Variants in GMDS observed in about 807,000 individuals in gnomAD.
GMDS encodes GDP-mannose 4,6-dehydratase.
In GMDS, 20 loss-of-function variants were observed where a neutral mutation model predicts 49.9. The ratio of observed to expected loss-of-function variants is 0.40; its 90% CI spans 0.28 to 0.58. The LOEUF is 0.58. GMDS is among the 20% of genes least tolerant of loss of function. The probability of loss-of-function intolerance (pLI) is 0.42; values close to 1 mark genes in which losing one functional copy is unlikely to be tolerated. For missense variants in GMDS, 362 were observed against 481.4 expected, an observed-to-expected ratio of 0.75 and a Z score of 2.32; for synonymous variants, 177 against 178.6, an observed-to-expected ratio of 0.99 and a Z score of 0.07.
At chr6:1,699,568 C>T (rs569509240) in intron 9 of GMDS, among the ~76,000 whole-genome samples, 2 of 152,280 alleles carry the variant, frequency 1.3e-5, no homozygotes, top group African/African-American at 2.4e-5. Flanking sequence ...CTTCTAGAGG[C>T]GCCTACACCC....
intron 4 of GMDS, among the ~76,000 whole-genome samples, chr6:2,046,929 C>A (rs1377551810): frequency 1.3e-5 from 2 of 152,188 alleles, no homozygotes; most frequent in African/African-American, 4.8e-5. Context: ...TATCCCCCAA[C>A]TCCATCATAA....
chr6:2,182,731 A>T (rs960847318), intron 1 of GMDS, among the ~76,000 whole-genome samples: 4 of 152,206 alleles, frequency 2.6e-5, no homozygotes, highest in African/African-American at 9.7e-5. Context: ...TTTGAGACAG[A>T]GTATCACTGT....
At chr6:1,804,294 C>T (rs148935000) in intron 7 of GMDS, among the ~76,000 whole-genome samples, 1 of 152,320 alleles carries the variant, frequency 6.6e-6, no homozygotes, top group Non-Finnish European at 1.5e-5. Flanking sequence ...TCCCCTTGTG[C>T]ACACCAGCTT....
intron 9 of GMDS, among the ~76,000 whole-genome samples, chr6:1,653,100 C>G (rs1005066725): frequency 6.6e-6 from 1 of 151,980 alleles, no homozygotes. Flanking sequence ...GCATGCCTCC[C>G]TCCACAGACC....
At chr6:2,137,332 CCT>C (rs1491446115) in intron 1 of GMDS, among the ~76,000 whole-genome samples, 2 of 145,848 alleles carry the variant, frequency 1.4e-5, no homozygotes, top group East Asian at 3.9e-4. Flanking sequence ...TGCTATATTC[CCT>C]TTTTTTTTTT....
At chr6:2,080,846 T>C (rs1772649681) in intron 4 of GMDS, among the ~76,000 whole-genome samples, 2 of 152,164 alleles carry the variant, frequency 1.3e-5, no homozygotes, top group East Asian at 3.9e-4. Context: ...TACAATACCA[T>C]TCCTGTCACT....
intron 4 of GMDS, among the ~76,000 whole-genome samples, chr6:2,108,264 C>T (rs892972561): frequency 1.3e-5 from 2 of 152,134 alleles, no homozygotes; most frequent in East Asian, 3.9e-4. Flanking sequence ...GAACAAGCTG[C>T]TCATTCTAAC....
chr6:1,735,622 C>A (rs1274512723), intron 8 of GMDS, among the ~76,000 whole-genome samples: 1 of 152,186 alleles, frequency 6.6e-6, no homozygotes, highest in African/African-American at 2.4e-5. Context: ...TGCCCACACA[C>A]AATGCACTAG....
At chr6:1,633,842 CCA>C (rs150247169) in intron 9 of GMDS, among the ~76,000 whole-genome samples, 3,091 of 152,210 alleles carry the variant, frequency 0.02, 102 homozygotes, top group African/African-American at 0.069. Flanking sequence ...CCCAGCAAAG[CCA>C]CGTGGTCACA....
At chr6:2,046,446 C>G (rs1770019664) in intron 4 of GMDS, among the ~76,000 whole-genome samples, 1 of 152,082 alleles carries the variant, frequency 6.6e-6, no homozygotes, top group Non-Finnish European at 1.5e-5. Flanking sequence ...AACCTTCCTT[C>G]TATGATGTTT....
At chr6:2,115,625 T>C (rs1774802673) in intron 4 of GMDS, 146 bp downstream of exon 4, 3 of 589,766 alleles carry the variant, frequency 5.1e-6, no homozygotes, top group Non-Finnish European at 6.1e-6. Context: ...GTACTTCAAT[T>C]AGGATTAATA....
At chr6:1,912,898 T>G (rs184402238) in intron 7 of GMDS, among the ~76,000 whole-genome samples, 2 of 152,070 alleles carry the variant, frequency 1.3e-5, no homozygotes, top group African/African-American at 4.8e-5. Flanking sequence ...ATTCTCTGTG[T>G]GTACCACAAG....
intron 6 of GMDS, among the ~76,000 whole-genome samples, chr6:1,953,317 T>TA (rs901311926): frequency 4.6e-5 from 7 of 151,256 alleles, no homozygotes; most frequent in African/African-American, 1.2e-4. Context: ...AAATCACATT[T>TA]AAAAAAAAAG....
At chr6:1,762,360 C>T (rs934372951) in intron 7 of GMDS, among the ~76,000 whole-genome samples, 3 of 152,234 alleles carry the variant, frequency 2.0e-5, no homozygotes, top group Non-Finnish European at 2.9e-5. Context: ...GGGTTACTCA[C>T]GACGAAACTT....
Position 1,781,622 on chromosome 6 carries a change from T to C in GMDS, c.772-39036A>G, listed in dbSNP as rs1017539286. Among the ~76,000 whole-genome samples, 4 of 116,158 alleles carry C rather than the reference T, an allele frequency of 3.4e-5. No individual in the cohort carries two copies. In the East Asian group the frequency reaches 1.5e-3, roughly 45 times the overall value. 76.2% of individuals were successfully genotyped at this position (116,158 alleles called of 152,430 possible). A position where few individuals can be genotyped will look rare whatever the true frequency, so the allele number is the denominator to read the frequency against. ...GGCCACCTCAAATCAAATGTGGTGA[T>C]GGCTCTTCCACACATGGCCTTAAGC... On this transcript the variant is annotated intron_variant, in intron 7 of 10. Coordinates refer to ENST00000380815, the MANE Select transcript of GMDS (RefSeq NM_001500.4).
chr6:1,779,877 A>G (rs1319465897), intron 7 of GMDS, among the ~76,000 whole-genome samples: 1 of 152,260 alleles, frequency 6.6e-6, no homozygotes, highest in East Asian at 1.9e-4. Flanking sequence ...GGCATATTTT[A>G]GTGAACACCA....
intron 7 of GMDS, among the ~76,000 whole-genome samples, chr6:1,873,879 C>T (rs1758899409): frequency 6.6e-6 from 1 of 152,180 alleles, no homozygotes; most frequent in Non-Finnish European, 1.5e-5. Context: ...CACCAGAAAC[C>T]CACCACAACT....
At chr6:2,099,864 C>T (rs576263198) in intron 4 of GMDS, among the ~76,000 whole-genome samples, 38 of 152,096 alleles carry the variant, frequency 2.5e-4, no homozygotes, top group Non-Finnish European at 5.0e-4. Flanking sequence ...AGAAACTGAA[C>T]TTTTCATCCT....
At chr6:2,173,655 C>G (rs1250574495) in intron 1 of GMDS, among the ~76,000 whole-genome samples, 1 of 152,126 alleles carries the variant, frequency 6.6e-6, no homozygotes, top group Admixed American at 6.5e-5. Flanking sequence ...AAAAATAATT[C>G]CCTGATTGCT....
Sources: gnomAD v4.1 joint callset for allele counts (sites outside exome capture counted in the v4.1 genomes callset) on GRCh38, gnomAD v4.1.1 for gene constraint, MANE v1.5 for transcripts, NCBI Gene and HGNC (gene_info 2026-07-23, HGNC 2026-07-21) for gene names.